The following KRT7 variants were observed in gnomAD, a reference collection of about 807,000 sequenced individuals.
The protein encoded by KRT7 is keratin 7, also known as keratin, type II cytoskeletal 7.
KRT7 carries 50 observed loss-of-function variants against 42.8 expected under a neutral mutation model. The ratio of observed to expected loss-of-function variants is 1.17; its 90% CI spans 0.93 to 1.48. The LOEUF is 1.48. Ranked by LOEUF, KRT7 falls within the 40% of genes most tolerant of loss-of-function variation. KRT7 has a pLI of 0.00. For missense variants in KRT7, 588 were observed against 637.6 expected (o/e 0.92, Z 0.84); for synonymous variants, 268 against 266.3 (o/e 1.01, Z -0.06).
In KRT7 at chr12:52,245,490, G is replaced by A; in HGVS notation, c.1063G>A (p.Glu355Lys). 1 of 1,613,986 alleles carries A rather than the reference G, an allele frequency of 6.2e-7. No individual in the cohort carries two copies. The highest frequency in any genetic ancestry group is 8.5e-7 in the Non-Finnish European group (1 of 1,179,890). The change falls in exon 7 of 9, where the codon GAG becomes AAG. Residue 355 changes from glutamate to lysine, a missense_variant. Glu to Lys is a moderately conservative substitution (Grantham distance 56, BLOSUM62 1). Coordinates refer to ENST00000331817, the MANE Select transcript of KRT7 (RefSeq NM_005556.4). ...GCTCAAGGATGCTCGTGCCAAGCAGGAGGAGCTGGAAGCCGCCCTGCAGCG... is the reference window on the plus strand; with the variant it reads ...GCTCAAGGATGCTCGTGCCAAGCAGAAGGAGCTGGAAGCCGCCCTGCAGCG... ...LALKDARAKQ[E>K]ELEAALQRGK...
intron 6 of KRT7, 26 bp from the exon 7 acceptor site, chr12:52,245,386 G>C (rs1361082864): frequency 6.2e-7 from 1 of 1,610,554 alleles, no homozygotes; most frequent in Admixed American, 1.7e-5. Flanking sequence ...GTGAGCCCCA[G>C]CTTACAGCTG....
At position 52,248,441 on chromosome 12, in the gene KRT7, C is replaced by T; in HGVS notation, c.1241-150C>T. 4.5e-6 allele frequency: 4 copies of T among 895,190 alleles called. No homozygotes were observed. In the East Asian group the frequency reaches 1.0e-4, roughly 23 times the overall value. 55.5% of individuals were successfully genotyped at this position (895,190 alleles called of 1,614,324 possible). The stretch of plus-strand genomic sequence containing the variant: ...GAGCACCTGGGGAGCAGCCCTACCC[C>T]TGTCAGATGCTCCTTCTGGGTTGGC... On this transcript the variant is annotated intron_variant, in intron 8 of 8. Transcript: ENST00000331817.
rs1592397771 is a variant in KRT7 at position 52,248,451 on chromosome 12, C to T, written c.1241-140C>T. ...GGAGCAGCCCTACCCCTGTCAGATG[C>T]TCCTTCTGGGTTGGCCCATGGAGGG... is the stretch of plus-strand genomic sequence containing the variant. On this transcript the variant is annotated intron_variant, in intron 8 of 8. Transcript: ENST00000331817. The T allele has an allele frequency of 3.2e-6, 3 of 950,700 alleles. No individual in the cohort carries two copies. In the East Asian group the frequency reaches 7.6e-5, roughly 24 times the overall value. The allele number at this position is 950,700 out of a possible 1,614,324, so 58.9% of individuals were successfully genotyped here. A position where few individuals can be genotyped will look rare whatever the true frequency, so the allele number is the denominator to read the frequency against.
downstream of KRT7, chr12:52,255,496 TC>T (rs1229095660): frequency 8.2e-5 from 37 of 451,930 alleles, no homozygotes; most frequent in African/African-American, 7.0e-4. Context: ...GGGAACTGGA[TC>T]TTTTGGAGGT....
downstream of KRT7, chr12:52,253,511 CAGA>C (rs1345715414): frequency 6.3e-7 from 1 of 1,575,332 alleles, no homozygotes; most frequent in Non-Finnish European, 8.7e-7. Flanking sequence ...CCGTAGGGAC[CAGA>C]ATCCCCAGAA....
intron 4 of KRT7, among the ~76,000 whole-genome samples, chr12:52,239,800 C>T (rs1942059651): frequency 6.6e-6 from 1 of 152,182 alleles, no homozygotes; most frequent in Admixed American, 6.5e-5. Context: ...AATGTCCTCC[C>T]TTCCCTTCTT....
downstream of KRT7, chr12:52,252,266 G>T (rs758480608): frequency 6.2e-7 from 1 of 1,613,038 alleles, no homozygotes; most frequent in South Asian, 1.1e-5. Context: ...CCTCACCTCT[G>T]CTCCTCGCCC....
At chr12:52,248,130 C>T in intron 7 of KRT7, 47 bp from the exon 8 acceptor site, 1 of 1,589,510 alleles carries the variant, frequency 6.3e-7, no homozygotes, top group East Asian at 2.2e-5. Context: ...GCGCTTCCCT[C>T]CCACGCTAGG....
chr12:52,235,032 C>T, intron 1 of KRT7, 123 bp from the exon 2 acceptor site: 3 of 877,008 alleles, frequency 3.4e-6, no homozygotes, highest in Non-Finnish European at 5.4e-6. Context: ...CTGGAAGCCC[C>T]AGGCAGGGAA....
chr12:52,251,354 A>G (rs544745773), downstream of KRT7, among the ~76,000 whole-genome samples: 2 of 152,342 alleles, frequency 1.3e-5, no homozygotes, highest in Admixed American at 1.3e-4. Flanking sequence ...CACACATAAA[A>G]TACACTAATA....
intron 4 of KRT7, 58 bp from the exon 5 acceptor site, chr12:52,241,414 G>T: frequency 7.1e-7 from 1 of 1,409,270 alleles, no homozygotes; most frequent in South Asian, 1.4e-5. Context: ...GGAATCCCAG[G>T]GTGGGCGTGG....
chr12:52,253,113 C>T (rs74093380), downstream of KRT7: 2,084 of 1,126,144 alleles, frequency 1.9e-3, 23 homozygotes, highest in African/African-American at 0.028. Flanking sequence ...GGGTGTTTGC[C>T]CTTGTCCCCA....
At position 52,245,775 on chromosome 12, in the gene KRT7, T is replaced by C. The variant is rs1942159724; in HGVS notation, c.1205+143T>C. ...GGGGATGCAGGGAACACAGAGCTGA[T>C]GCTTGCCTCTTTGCCTTCAATGAGA... On this transcript the variant is annotated intron_variant, in intron 7 of 8. Coordinates refer to ENST00000331817, the MANE Select transcript of KRT7 (RefSeq NM_005556.4). The C allele has an allele frequency of 3.8e-6, 4 of 1,062,038 alleles. No homozygotes were observed. The South Asian group carries it at 4.8e-5, about 13-fold the overall frequency. 65.8% of individuals were successfully genotyped at this position (1,062,038 alleles called of 1,614,324 possible).
rs770806918 is a variant in KRT7 at position 52,243,060 on chromosome 12, A to T, written c.907A>T (p.Asn303Tyr). The change falls in exon 6 of 9, where the codon AAT becomes TAT. Residue 303 changes from asparagine to tyrosine, a missense_variant. Physicochemically the swap from Asn to Tyr is moderately radical, Grantham distance 143. Transcript: ENST00000331817. ...TGGGAAGCATGGGGACGACCTCCGG[A>T]ATACCCGGAATGAGATTTCAGAGAT... ...QAGKHGDDLR[N>Y]TRNEISEMNR... 6.2e-7 allele frequency: 1 copy of T among 1,613,890 alleles called. No individual in the cohort carries two copies. The highest frequency in any genetic ancestry group is 8.5e-7 in the Non-Finnish European group (1 of 1,179,880).
chr12:52,240,216 A>G (rs560049953), intron 4 of KRT7, among the ~76,000 whole-genome samples: 6 of 152,312 alleles, frequency 3.9e-5, no homozygotes, highest in African/African-American at 1.4e-4. Flanking sequence ...TTCATGGTGA[A>G]AGTTTAGTTT....
chr12:52,253,517 C>A, downstream of KRT7: 1 of 1,581,938 alleles, frequency 6.3e-7, no homozygotes, highest in Non-Finnish European at 8.6e-7. Context: ...GGACCAGAAT[C>A]CCCAGAAAAG....
chr12:52,238,635 C>A, intron 3 of KRT7, 45 bp from the exon 4 acceptor site: 2 of 1,179,028 alleles, frequency 1.7e-6, no homozygotes, highest in Non-Finnish European at 2.6e-6. Context: ...GTTCCCTGTA[C>A]TGAGGACATG....
At chr12:52,252,188 C>T, downstream of KRT7, 1 of 1,546,070 alleles carries the variant, frequency 6.5e-7, no homozygotes, top group South Asian at 1.1e-5. Context: ...CAGACATGCT[C>T]CTGGGTGTTG....
intron 8 of KRT7, among the ~76,000 whole-genome samples, 186 bp from the exon 9 acceptor site, chr12:52,248,405 G>A (rs570536386): frequency 1.3e-5 from 2 of 152,306 alleles, no homozygotes; most frequent in African/African-American, 4.8e-5. Flanking sequence ...AAGAGGGCAG[G>A]GTGGGGCCAG....
Sources: gnomAD v4.1 joint callset for allele counts (sites outside exome capture counted in the v4.1 genomes callset) on GRCh38, gnomAD v4.1.1 for gene constraint, MANE v1.5 for transcripts, NCBI Gene and HGNC (gene_info 2026-07-23, HGNC 2026-07-21) for gene names.